The following TANC2 variants were observed in gnomAD, a reference collection of about 807,000 sequenced individuals.
TANC2 encodes protein TANC2.
TANC2 carries 26 observed loss-of-function variants against 210.5 expected under a neutral mutation model. The observed-to-expected ratio is 0.12, with a 90% confidence interval of 0.09 to 0.17. The LOEUF is 0.17. Among genes scored for constraint, TANC2 ranks in the 10% least tolerant of loss-of-function variants. TANC2 has a pLI of 1.00. For missense variants in TANC2, 2,129 were observed against 2,608.9 expected, an observed-to-expected ratio of 0.82 and a Z score of 4.01; for synonymous variants, 931 against 967.1, an observed-to-expected ratio of 0.96 and a Z score of 0.69.
At chr17:63,298,254 A>G (rs2044599496) in intron 9 of TANC2, among the ~76,000 whole-genome samples, 1 of 152,220 alleles carries the variant, frequency 6.6e-6, no homozygotes, top group Non-Finnish European at 1.5e-5. Context: ...ACACACGAAT[A>G]TACACAGCAC....
At chr17:63,423,454 G>C (rs1228622507) in exon 28 of TANC2, 1 of 152,234 alleles carries the variant, frequency 6.6e-6, no homozygotes, top group Admixed American at 6.5e-5. Flanking sequence ...CTGTACATCA[G>C]CTCTTACAAC....
In TANC2 at chr17:63,395,728, GTCCTC is replaced by G. The variant is rs1567982326; in HGVS notation, c.3052-8_3052-4del. The G allele has an allele frequency of 1.9e-6, 3 of 1,611,814 alleles. No individual in the cohort carries two copies. In the East Asian group the frequency reaches 6.7e-5, roughly 36 times the overall value. Reference sequence around the variant, plus strand: ...AAGTCTGTGTTCACACATATCTCCTGTCCTCTCCTCTTAGGTGGATCATTTGGATA... The same window carrying G: ...AAGTCTGTGTTCACACATATCTCCTGTCCTCTTAGGTGGATCATTTGGATA... On this transcript the variant is annotated splice_polypyrimidine_tract_variant and intron_variant, in intron 17 of 27. Coordinates refer to ENST00000689528, the Ensembl canonical transcript of TANC2.
At chr17:63,177,467 T>C (rs2040629429) in intron 5 of TANC2, among the ~76,000 whole-genome samples, 1 of 151,190 alleles carries the variant, frequency 6.6e-6, no homozygotes, top group African/African-American at 2.4e-5. Flanking sequence ...GAGCAGAAAA[T>C]ATATGGTAAG....
chr17:63,027,204 G>A (rs1032156494), intron 2 of TANC2, among the ~76,000 whole-genome samples: 2 of 151,996 alleles, frequency 1.3e-5, no homozygotes, highest in Admixed American at 1.3e-4. Flanking sequence ...ATTTAAACTG[G>A]TTTAGTTTGG....
chr17:62,988,397 C>T (rs921654420), intron 1 of TANC2, among the ~76,000 whole-genome samples: 4 of 151,718 alleles, frequency 2.6e-5, no homozygotes, highest in Admixed American at 6.6e-5. Context: ...CTCGGCTTCC[C>T]GAAGTGCTGG....
chr17:63,310,599 A>G (rs534218740), intron 9 of TANC2, among the ~76,000 whole-genome samples: 1 of 152,232 alleles, frequency 6.6e-6, no homozygotes, highest in South Asian at 2.1e-4. Flanking sequence ...AGACAAACGC[A>G]GGCATTCCAA....
intron 2 of TANC2, among the ~76,000 whole-genome samples, chr17:63,018,274 G>A (rs889507611): frequency 2.6e-5 from 4 of 151,842 alleles, no homozygotes; most frequent in South Asian, 2.1e-4. Flanking sequence ...GCGGGTCACC[G>A]GGAAGTCGGG....
intron 12 of TANC2, among the ~76,000 whole-genome samples, chr17:63,341,731 T>C (rs1437113310): frequency 6.6e-6 from 1 of 152,254 alleles, no homozygotes; most frequent in Non-Finnish European, 1.5e-5. Flanking sequence ...TTCTAGACTT[T>C]ATGTGTTTCT....
At position 63,340,138 on chromosome 17, in the gene TANC2, A is replaced by G. The variant is rs2046178308; in HGVS notation, c.1613A>G (p.Tyr538Cys). The G allele has an allele frequency of 1.2e-6, 2 of 1,613,880 alleles. No homozygotes were observed. Among genetic ancestry groups the G allele is most frequent in the Admixed American group, 1.7e-5 (1 of 60,022 alleles). ...CACTATTGTCAAGCAGATAATGCCT[A>G]CACTTGCTTGGTGCCAGAATTTGTC... is the stretch of plus-strand genomic sequence containing the variant. The change falls in exon 12 of 28, where the codon TAC (tyrosine) becomes TGC (cysteine). Residue 538 changes from tyrosine to cysteine, a missense_variant. Transcript: ENST00000689528.
At chr17:62,973,619 C>G (rs2031837224) in intron 1 of TANC2, among the ~76,000 whole-genome samples, 1 of 152,190 alleles carries the variant, frequency 6.6e-6, no homozygotes, top group South Asian at 2.1e-4. Flanking sequence ...GTAACTAAAA[C>G]TAACCCTAAA....
chr17:63,151,558 A>G (rs1192446619), intron 5 of TANC2, 178 bp downstream of exon 5: 8 of 156,642 alleles, frequency 5.1e-5, no homozygotes, highest in Non-Finnish European at 1.1e-4. Flanking sequence ...TGACTTTGAT[A>G]CAATAATGAG....
At chr17:63,257,157 T>C (rs192031657) in intron 8 of TANC2, among the ~76,000 whole-genome samples, 100 of 152,056 alleles carry the variant, frequency 6.6e-4, no homozygotes, top group African/African-American at 2.4e-3. Context: ...AGGTTGTTAT[T>C]GATGAGGAAA....
At chr17:63,115,242 G>A (rs1197227071) in intron 4 of TANC2, among the ~76,000 whole-genome samples, 1 of 152,142 alleles carries the variant, frequency 6.6e-6, no homozygotes, top group Non-Finnish European at 1.5e-5. Flanking sequence ...GAATGAGATA[G>A]GCTGTCCATG....
At chr17:63,238,146 A>G in intron 8 of TANC2, 69 bp downstream of exon 8, 1 of 1,435,066 alleles carries the variant, frequency 7.0e-7, no homozygotes, top group Non-Finnish European at 9.1e-7. Flanking sequence ...ATATATTGAA[A>G]TGAAAATAAA....
chr17:63,228,852 G>T (rs937858209), intron 7 of TANC2, among the ~76,000 whole-genome samples: 1 of 152,130 alleles, frequency 6.6e-6, no homozygotes, highest in African/African-American at 2.4e-5. Context: ...GGATTTTCTA[G>T]ATATAGGATC....
chr17:63,406,159 T>C, exon 21 of TANC2: 1 of 1,613,870 alleles, frequency 6.2e-7, no homozygotes, highest in Non-Finnish European at 8.5e-7. Context: ...TGCAGATTGT[T>C]GATCTTTTAC....
chr17:63,126,477 G>A (rs1295096967), intron 4 of TANC2, among the ~76,000 whole-genome samples: 1 of 151,882 alleles, frequency 6.6e-6, no homozygotes, highest in Non-Finnish European at 1.5e-5. Context: ...GTGCAGTCTC[G>A]GCTCACTTGC....
At position 63,418,281 on chromosome 17, in the gene TANC2, C is replaced by G; in HGVS notation, c.4168-26C>G. 1 of 1,595,376 alleles carries G rather than the reference C, an allele frequency of 6.3e-7. No homozygotes were observed. ...TATTTTTTATATCTCATCAATGACT[C>G]ATTTGCACACCTATTGTAATGACAG... On this transcript the variant is annotated intron_variant, in intron 26 of 27. Coordinates refer to ENST00000689528, the Ensembl canonical transcript of TANC2. This position sits in a 1 kb window ranked among gnomAD's most constrained non-coding sequence, Gnocchi z 4.6.
intron 1 of TANC2, among the ~76,000 whole-genome samples, chr17:62,970,617 G>A (rs2031638246): frequency 6.6e-6 from 1 of 152,152 alleles, no homozygotes; most frequent in African/African-American, 2.4e-5. Flanking sequence ...GACTATTAGG[G>A]TAGTTGGTAC....
Sources: gnomAD v4.1 joint callset for allele counts (sites outside exome capture counted in the v4.1 genomes callset) on GRCh38, gnomAD v4.1.1 for gene constraint, Gnocchi (gnomAD v3.1) non-coding constraint, MANE v1.5 for transcripts, NCBI Gene and HGNC (gene_info 2026-07-23, HGNC 2026-07-21) for gene names.